The following HDAC4 variants were observed in gnomAD, a reference collection of about 807,000 sequenced individuals.
The protein encoded by HDAC4 is histone deacetylase A.
Under a neutral mutation model 135.1 loss-of-function variants are expected in HDAC4, and 16 were observed. That is an observed-to-expected ratio of 0.12 (90% CI 0.08 to 0.18). The LOEUF is 0.18. Among genes scored for constraint, HDAC4 ranks in the 10% least tolerant of loss-of-function variants. HDAC4 has a pLI of 1.00. For synonymous variants in HDAC4, 685 were observed against 653.4 expected, an observed-to-expected ratio of 1.05 and a Z score of -0.74; for missense variants, 1,143 against 1,511.8, an observed-to-expected ratio of 0.76 and a Z score of 4.05.
chr2:239,072,020 T>C (rs2152630627), intron 22 of HDAC4, among the ~76,000 whole-genome samples: 1 of 152,214 alleles, frequency 6.6e-6, no homozygotes, highest in Non-Finnish European at 1.5e-5. Context: ...TTAAAATGAG[T>C]CATCCATTTG....
At chr2:239,057,031 G>A (rs1166793671) in intron 24 of HDAC4, among the ~76,000 whole-genome samples, 1 of 152,214 alleles carries the variant, frequency 6.6e-6, no homozygotes, top group Non-Finnish European at 1.5e-5. Flanking sequence ...ACCCTAAAAT[G>A]GAGAAAGGGC....
intron 1 of HDAC4, among the ~76,000 whole-genome samples, chr2:239,365,547 C>A (rs921227094): frequency 3.3e-5 from 5 of 152,146 alleles, no homozygotes; most frequent in African/African-American, 9.7e-5. Flanking sequence ...GCCAGCAAGG[C>A]TAGGTCTTCA....
chr2:239,086,769 A>C (rs1396586096), intron 19 of HDAC4, among the ~76,000 whole-genome samples: 3 of 152,166 alleles, frequency 2.0e-5, no homozygotes, highest in Non-Finnish European at 2.9e-5. Flanking sequence ...CTGCTGCTCC[A>C]ACTCTCCAAG....
At chr2:239,119,564 C>T (rs970394603) in intron 12 of HDAC4, among the ~76,000 whole-genome samples, 31 of 150,614 alleles carry the variant, frequency 2.1e-4, no homozygotes, top group African/African-American at 5.7e-4. Context: ...GCTGAGGGCG[C>T]GGGAACTGGA....
At chr2:239,155,322 G>A (rs1220326635) in intron 7 of HDAC4, among the ~76,000 whole-genome samples, 1 of 151,896 alleles carries the variant, frequency 6.6e-6, no homozygotes, top group East Asian at 1.9e-4. Flanking sequence ...CCTGGGACAT[G>A]GCCAGCCCAA....
chr2:239,181,673 G>A (rs1046027157), intron 4 of HDAC4, among the ~76,000 whole-genome samples: 2 of 152,228 alleles, frequency 1.3e-5, no homozygotes, highest in Admixed American at 1.3e-4. Context: ...GCAGTGCCCA[G>A]GCCAGGCTGC....
chr2:239,300,336 T>A (rs961188140), intron 2 of HDAC4, among the ~76,000 whole-genome samples: 1 of 152,222 alleles, frequency 6.6e-6, no homozygotes, highest in Non-Finnish European at 1.5e-5. Flanking sequence ...CCACATGTGG[T>A]TACTTAAATT....
intron 1 of HDAC4, among the ~76,000 whole-genome samples, chr2:239,375,662 G>A (rs543554826): frequency 2.0e-5 from 3 of 152,314 alleles, no homozygotes; most frequent in Admixed American, 6.5e-5. Context: ...ACTCAGTCAC[G>A]CACAGGCTCC....
At chr2:239,353,617 G>T (rs952514867) in intron 1 of HDAC4, among the ~76,000 whole-genome samples, 1 of 152,088 alleles carries the variant, frequency 6.6e-6, no homozygotes, top group African/African-American at 2.4e-5. Flanking sequence ...AGTGCCAAAG[G>T]TCCTCTGGGG....
rs143704094 is a variant in HDAC4, at chr2:239,203,579, T to C, written c.95-13502A>G. Reference sequence around the variant, plus strand: ...TGAAACAGACTTGGGTTCTAAAACATGCATGAACTGAACGTCCACGGTCTG... The same window carrying C: ...TGAAACAGACTTGGGTTCTAAAACACGCATGAACTGAACGTCCACGGTCTG... On this transcript the variant is annotated intron_variant, in intron 3 of 26. Coordinates refer to ENST00000543185, the MANE Select transcript of HDAC4 (RefSeq NM_001378414.1). Among the ~76,000 whole-genome samples the C allele has an allele frequency of 4.9e-3, 744 of 152,260 alleles. 3 individuals are homozygous for C. Among genetic ancestry groups the C allele is most frequent in the Non-Finnish European group, 8.4e-3 (569 of 68,004 alleles).
At chr2:239,358,786 T>G (rs900683817) in intron 1 of HDAC4, among the ~76,000 whole-genome samples, 1 of 152,212 alleles carries the variant, frequency 6.6e-6, no homozygotes, top group Non-Finnish European at 1.5e-5. Flanking sequence ...CTTTTCTCAT[T>G]TGTTTAATTC....
intron 2 of HDAC4, among the ~76,000 whole-genome samples, chr2:239,268,876 C>T (rs1188472680): frequency 6.6e-6 from 1 of 152,166 alleles, no homozygotes; most frequent in Non-Finnish European, 1.5e-5. Flanking sequence ...GGCTCCCTAC[C>T]CCCACAAAAT....
intron 3 of HDAC4, among the ~76,000 whole-genome samples, chr2:239,229,981 A>G (rs1423451145): frequency 6.6e-6 from 1 of 152,164 alleles, no homozygotes; most frequent in African/African-American, 2.4e-5. Context: ...GGTGGAAGGA[A>G]TATATTCTGG....
intron 18 of HDAC4, among the ~76,000 whole-genome samples, chr2:239,088,163 A>C (rs1317400429): frequency 6.6e-6 from 1 of 152,218 alleles, no homozygotes; most frequent in Non-Finnish European, 1.5e-5. Flanking sequence ...CACTGGGCAG[A>C]AACGCTGTCC....
At chr2:239,360,677 CAG>C (rs1057338334) in intron 1 of HDAC4, among the ~76,000 whole-genome samples, 1 of 151,266 alleles carries the variant, frequency 6.6e-6, no homozygotes, top group Non-Finnish European at 1.5e-5. Flanking sequence ...GAGTACTAGA[CAG>C]GGAGCGGGGA....
Position 239,159,667 on chromosome 2 carries a change from C to T in HDAC4, c.612-2894G>A, listed in dbSNP as rs187199303. ...TTCACACCCTACACTAAGCTAACCC[C>T]GGCCACAGCCCACACTCACACTCAC... On this transcript the variant is annotated intron_variant, in intron 6 of 26. Transcript: ENST00000543185. Among the ~76,000 whole-genome samples the T allele has an allele frequency of 2.9e-3, 437 of 152,220 alleles. 3 individuals carry two copies. The highest frequency in any genetic ancestry group is 9.9e-3 in the African/African-American group (411 of 41,532).
rs573456131 is a variant in HDAC4, at chr2:239,394,119, C to T, written c.-220+6859G>A. 3.3e-5 allele frequency among the ~76,000 whole-genome samples: 5 copies of T among 152,246 alleles called. No individual in the cohort carries two copies. In the South Asian group the frequency reaches 1.0e-3, roughly 32 times the overall value. The stretch of plus-strand genomic sequence containing the variant: ...CCAAGGGAAAATGCAATTCCATCAC[C>T]GCTTGAACAATACTCCCACTTGGAA... On this transcript the variant is annotated intron_variant, in intron 1 of 26. Coordinates refer to ENST00000543185, the MANE Select transcript of HDAC4 (RefSeq NM_001378414.1).
At chr2:239,243,036 A>G (rs1195248553) in intron 2 of HDAC4, among the ~76,000 whole-genome samples, 4 of 152,164 alleles carry the variant, frequency 2.6e-5, no homozygotes, top group African/African-American at 7.2e-5. Flanking sequence ...AGCTACACCT[A>G]AACTCTTTTC....
At chr2:239,297,962 G>T (rs1338781933) in intron 2 of HDAC4, among the ~76,000 whole-genome samples, 1 of 152,186 alleles carries the variant, frequency 6.6e-6, no homozygotes, top group African/African-American at 2.4e-5. Flanking sequence ...CGGTGCCGCG[G>T]CTGCTAAGTG....
Sources: gnomAD v4.1 joint callset for allele counts (sites outside exome capture counted in the v4.1 genomes callset) on GRCh38, gnomAD v4.1.1 for gene constraint, MANE v1.5 for transcripts, NCBI Gene and HGNC (gene_info 2026-07-23, HGNC 2026-07-21) for gene names.